The following TMOD1 variants were observed in gnomAD, a reference collection of about 807,000 sequenced individuals.
TMOD1 encodes tropomodulin-1.
In TMOD1, 17 loss-of-function variants were observed where a neutral mutation model predicts 40.6. The observed-to-expected ratio is 0.42, with a 90% confidence interval of 0.29 to 0.63. The LOEUF (loss-of-function observed/expected upper bound fraction) is 0.63. Ranked by LOEUF, TMOD1 falls within the 20% of genes least tolerant of loss-of-function variation. The probability of loss-of-function intolerance (pLI) is 0.22; values close to 1 mark genes in which losing one functional copy is unlikely to be tolerated. For synonymous variants in TMOD1, 181 were observed against 175.0 expected, an observed-to-expected ratio of 1.03 and a Z score of -0.27; for missense variants, 391 against 447.6, an observed-to-expected ratio of 0.87 and a Z score of 1.14.
rs985288863 is a variant in TMOD1 at position 97,502,915 on chromosome 9, C to A, written c.-49+1112C>A. The stretch of plus-strand genomic sequence containing the variant: ...GGTCTATATCGGGCCTATGATGCGT[C>A]CTCCAACCTGCGCAGCGCCGCCCCC... On this transcript the variant is annotated intron_variant, in intron 1 of 9. Transcript: ENST00000259365. The surrounding 1 kb of genome is among the most constrained non-coding windows in gnomAD (Gnocchi z 6.1). 1.3e-5 allele frequency among the ~76,000 whole-genome samples: 2 copies of A among 152,084 alleles called. No individual in the cohort carries two copies. Among genetic ancestry groups the A allele is most frequent in the Non-Finnish European group, 2.9e-5 (2 of 68,008 alleles).
At chr9:97,590,692 C>T (rs56000447) in intron 8 of TMOD1, among the ~76,000 whole-genome samples, 1,823 of 151,842 alleles carry the variant, frequency 0.012, 42 homozygotes, top group African/African-American at 0.042. Context: ...GGCAGGGAAC[C>T]ATTAATAATA....
rs145092266 is a variant in TMOD1 at position 97,593,897 on chromosome 9, A to G, written c.1015+2462A>G. Among the ~76,000 whole-genome samples the G allele has an allele frequency of 1.9e-3, 287 of 152,082 alleles. 1 individual carries two copies. Among genetic ancestry groups the G allele is most frequent in the African/African-American group, 6.1e-3 (253 of 41,474 alleles). On this transcript the variant is annotated intron_variant, in intron 9 of 9. Coordinates refer to ENST00000259365, the MANE Select transcript of TMOD1 (RefSeq NM_003275.4). ...TGGAGGAACTGTTAAAAGGAGTTAG[A>G]CCTAGGAGGAAAAATGAGTTCACAA... is the stretch of plus-strand genomic sequence containing the variant.
intron 8 of TMOD1, among the ~76,000 whole-genome samples, chr9:97,581,676 T>C (rs1398734035): frequency 2.6e-5 from 4 of 151,394 alleles, no homozygotes; most frequent in African/African-American, 7.3e-5. Flanking sequence ...GACTTTTTAA[T>C]GATCGCCAGT....
In TMOD1 at chr9:97,601,376, C is replaced by T. The variant is rs1826255094; in HGVS notation, c.*1678C>T. 21 of 1,071,538 alleles carry T rather than the reference C, an allele frequency of 2.0e-5. No homozygotes were observed. The highest frequency in any genetic ancestry group is 2.2e-5 in the Non-Finnish European group (19 of 878,258). The allele number at this position is 1,071,538 out of a possible 1,614,324, so 66.4% of individuals were successfully genotyped here. ...CCTCAGTAAGAATGTGTCATGTATTCCAGGTGCTGATCTAAAAACTGTGGC... is the reference window on the plus strand; with the variant it reads ...CCTCAGTAAGAATGTGTCATGTATTTCAGGTGCTGATCTAAAAACTGTGGC... On this transcript the variant is annotated 3_prime_UTR_variant, in exon 10 of 10. Coordinates refer to ENST00000259365, the MANE Select transcript of TMOD1 (RefSeq NM_003275.4).
intron 2 of TMOD1, among the ~76,000 whole-genome samples, chr9:97,537,579 T>C (rs2131236866): frequency 6.6e-6 from 1 of 152,348 alleles, no homozygotes; most frequent in Middle Eastern, 3.4e-3. Context: ...GTGTGAAAAT[T>C]AGACTGTGAT....
intron 8 of TMOD1, among the ~76,000 whole-genome samples, chr9:97,587,062 C>T (rs1289287413): frequency 1.3e-5 from 2 of 152,216 alleles, no homozygotes; most frequent in Non-Finnish European, 2.9e-5. Context: ...GGAGATTCAT[C>T]CAAGTTGTTG....
chr9:97,527,625 G>A (rs1166549209), intron 2 of TMOD1, among the ~76,000 whole-genome samples: 1 of 152,206 alleles, frequency 6.6e-6, no homozygotes, highest in African/African-American at 2.4e-5. Flanking sequence ...CTAGAAAGAG[G>A]GGTTGGGATA....
intron 8 of TMOD1, among the ~76,000 whole-genome samples, chr9:97,570,351 T>C (rs1443680351): frequency 6.6e-6 from 1 of 152,216 alleles, no homozygotes; most frequent in African/African-American, 2.4e-5. Context: ...TTAGTTGAAG[T>C]TTCACTTTAT....
chr9:97,550,126 G>A (rs1830426579), intron 3 of TMOD1, among the ~76,000 whole-genome samples: 1 of 152,186 alleles, frequency 6.6e-6, no homozygotes, highest in East Asian at 1.9e-4. Flanking sequence ...TTCTACAAAT[G>A]AAATCATACA....
At chr9:97,591,485 C>CA in intron 9 of TMOD1, 50 bp downstream of exon 9, 1 of 1,589,240 alleles carries the variant, frequency 6.3e-7, no homozygotes, top group Non-Finnish European at 8.6e-7. Context: ...TTATTCCCTC[C>CA]ACCTGTGCTG....
chr9:97,568,997 C>T lies in TMOD1; in HGVS notation c.830C>T (p.Pro277Leu). The T allele has an allele frequency of 6.2e-7, 1 of 1,614,188 alleles. No individual in the cohort carries two copies. Among genetic ancestry groups the T allele is most frequent in the African/African-American group, 1.3e-5 (1 of 75,030 alleles). Reference protein sequence around the residue: ...AGILRLVEALPYNTSLVEMKI... With the variant: ...AGILRLVEALLYNTSLVEMKI... Reference sequence around the variant, plus strand: ...ATTCTGCGCCTGGTAGAAGCCCTCCCATACAACACTTCTCTGGTGGAAATG... The same window carrying T: ...ATTCTGCGCCTGGTAGAAGCCCTCCTATACAACACTTCTCTGGTGGAAATG... The change falls in exon 8 of 10, where the codon CCA (proline) becomes CTA (leucine). Residue 277 changes from proline to leucine, a missense_variant. Coordinates refer to ENST00000259365, the MANE Select transcript of TMOD1 (RefSeq NM_003275.4).
Position 97,601,579 on chromosome 9 carries a change from T to TG in TMOD1, c.*1883dup. 1 of 987,836 alleles carries TG rather than the reference T, an allele frequency of 1.0e-6. No homozygotes were observed. The highest frequency in any genetic ancestry group is 4.6e-5 in the South Asian group (1 of 21,532). The allele number at this position is 987,836 out of a possible 1,614,324, so 61.2% of individuals were successfully genotyped here. On this transcript the variant is annotated 3_prime_UTR_variant, in exon 10 of 10. Transcript: ENST00000259365. ...CCTCTGCCTCTATCAGATGAGCTGCTGGTCTAGATCAGGGGCTGGCAAACT... is the reference window on the plus strand; with the variant it reads ...CCTCTGCCTCTATCAGATGAGCTGCTGGGTCTAGATCAGGGGCTGGCAAACT...
At chr9:97,576,177 C>T (rs899059745) in intron 8 of TMOD1, among the ~76,000 whole-genome samples, 3 of 152,192 alleles carry the variant, frequency 2.0e-5, no homozygotes, top group Admixed American at 1.3e-4. Flanking sequence ...CATGACAGCT[C>T]ATGCCTGTAA....
chr9:97,563,155 G>A (rs959699051), intron 5 of TMOD1, among the ~76,000 whole-genome samples: 2 of 152,216 alleles, frequency 1.3e-5, no homozygotes, highest in African/African-American at 4.8e-5. Flanking sequence ...CTGGGCTTAA[G>A]CGATCCTCCC....
intron 1 of TMOD1, among the ~76,000 whole-genome samples, chr9:97,514,098 G>C (rs1564227909): frequency 6.6e-6 from 1 of 151,642 alleles, no homozygotes. Flanking sequence ...GTCTCACTCT[G>C]TTGTCCAGGC....
intron 4 of TMOD1, among the ~76,000 whole-genome samples, chr9:97,554,400 C>T (rs1348686217): frequency 6.6e-6 from 1 of 151,982 alleles, no homozygotes; most frequent in Non-Finnish European, 1.5e-5. Context: ...ACTTGAGGCA[C>T]CTGTGGGCCA....
chr9:97,518,964 G>A (rs1360723342), intron 1 of TMOD1, among the ~76,000 whole-genome samples: 7 of 152,328 alleles, frequency 4.6e-5, no homozygotes, highest in Admixed American at 4.6e-4. Context: ...CCATCCTCAA[G>A]ATGTTCACTG....
At chr9:97,547,442 C>T (rs183631959) in intron 3 of TMOD1, among the ~76,000 whole-genome samples, 2 of 152,330 alleles carry the variant, frequency 1.3e-5, no homozygotes, top group East Asian at 1.9e-4. Flanking sequence ...CTACCACTTA[C>T]TAGCTGTGTG....
intron 7 of TMOD1, 121 bp downstream of exon 7, chr9:97,566,076 G>T: frequency 2.5e-6 from 2 of 791,002 alleles, no homozygotes; most frequent in Non-Finnish European, 4.0e-6. Context: ...TACAGTGGAA[G>T]GCATTGGACC....
Sources: allele counts gnomAD v4.1 joint callset (sites outside exome capture counted in the v4.1 genomes callset), GRCh38; gene constraint gnomAD v4.1.1; non-coding constraint Gnocchi (gnomAD v3.1); transcripts MANE v1.5; gene names NCBI Gene and HGNC (gene_info 2026-07-23, HGNC 2026-07-21).